Variants in SFTPD observed in about 807,000 individuals in gnomAD.
SFTPD encodes surfactant protein D, also known as pulmonary surfactant-associated protein D.
SFTPD carries 18 observed loss-of-function variants against 34.6 expected under a neutral mutation model. That is an observed-to-expected ratio of 0.52 (90% CI 0.36 to 0.77). SFTPD has a LOEUF of 0.77. SFTPD is among the 30% of genes least tolerant of loss of function. The probability of loss-of-function intolerance (pLI) is 0.00; values close to 1 mark genes in which losing one functional copy is unlikely to be tolerated. For missense variants in SFTPD, 433 were observed against 468.9 expected, an observed-to-expected ratio of 0.92 and a Z score of 0.71; for synonymous variants, 155 against 180.9, an observed-to-expected ratio of 0.86 and a Z score of 1.15.
intron 1 of SFTPD, chr10:79,981,983 C>T: frequency 3.3e-6 from 1 of 306,844 alleles, no homozygotes; most frequent in South Asian, 3.8e-5. Flanking sequence ...CCGCGTCAGG[C>T]CGCCAGCCTC....
intron 1 of SFTPD, among the ~76,000 whole-genome samples, chr10:79,974,049 C>A (rs1842850494): frequency 1.3e-5 from 2 of 152,176 alleles, no homozygotes; most frequent in African/African-American, 2.4e-5. Context: ...CCCACACACA[C>A]ACAAATAGTA....
chr10:79,974,689 T>C (rs908948781), intron 1 of SFTPD, among the ~76,000 whole-genome samples: 4 of 152,240 alleles, frequency 2.6e-5, no homozygotes, highest in African/African-American at 7.2e-5. Context: ...CCGTCACCTC[T>C]CCTCATCACA....
At chr10:79,961,752 T>C (rs368004420) in intron 1 of SFTPD, among the ~76,000 whole-genome samples, 2 of 152,296 alleles carry the variant, frequency 1.3e-5, no homozygotes, top group South Asian at 2.1e-4. Context: ...CTCAGGGATC[T>C]AGAACTAGAA....
chr10:79,959,131 A>G (rs1044362416), intron 1 of SFTPD, among the ~76,000 whole-genome samples: 6 of 151,576 alleles, frequency 4.0e-5, no homozygotes, highest in African/African-American at 1.5e-4. Flanking sequence ...AATCTCTGGG[A>G]CACATTCAAA....
intron 5 of SFTPD, 77 bp from the exon 6 acceptor site, chr10:79,941,591 C>T (rs756491447): frequency 1.2e-4 from 125 of 1,069,360 alleles, no homozygotes; most frequent in Non-Finnish European, 1.4e-4. Context: ...CCTTCCCATA[C>T]ATGGACTAAC....
At chr10:79,946,777 G>T in intron 1 of SFTPD, 115 bp from the exon 2 acceptor site, 2 of 912,370 alleles carry the variant, frequency 2.2e-6, no homozygotes, top group Non-Finnish European at 3.4e-6. Flanking sequence ...TCTGTCCTCT[G>T]CTATGGGGCC....
intron 2 of SFTPD, among the ~76,000 whole-genome samples, chr10:79,944,222 C>A (rs1236294801): frequency 6.6e-6 from 1 of 152,252 alleles, no homozygotes; most frequent in African/African-American, 2.4e-5. Context: ...TAATACATGC[C>A]AGGCACTGTC....
At chr10:79,960,899 T>C (rs1842768453) in intron 1 of SFTPD, among the ~76,000 whole-genome samples, 2 of 151,702 alleles carry the variant, frequency 1.3e-5, no homozygotes, top group Admixed American at 6.5e-5. Context: ...CAAACTATAC[T>C]ACAAGGCTAC....
At chr10:79,949,775 G>T (rs954127156), upstream of SFTPD, among the ~76,000 whole-genome samples, 1 of 152,156 alleles carries the variant, frequency 6.6e-6, no homozygotes. Context: ...CTTAGCTGGT[G>T]TTTGTCTTGT....
chr10:79,960,790 A>T (rs1255321413), intron 1 of SFTPD, among the ~76,000 whole-genome samples: 1 of 152,226 alleles, frequency 6.6e-6, no homozygotes, highest in Admixed American at 6.5e-5. Flanking sequence ...AATTGGAAAA[A>T]ACTACTTTAA....
intron 2 of SFTPD, among the ~76,000 whole-genome samples, chr10:79,945,817 CA>C (rs1349189257): frequency 6.6e-6 from 1 of 152,176 alleles, no homozygotes; most frequent in Non-Finnish European, 1.5e-5. Context: ...CAGTCTGATG[CA>C]GAGCCTTCGT....
At chr10:79,959,490 A>C (rs2132512735) in intron 1 of SFTPD, among the ~76,000 whole-genome samples, 1 of 152,334 alleles carries the variant, frequency 6.6e-6, no homozygotes, top group South Asian at 2.1e-4. Flanking sequence ...AGAAATACAA[A>C]CTACCATCAG....
At chr10:79,942,293 C>T (rs1231915068) in intron 4 of SFTPD, 95 bp downstream of exon 4, 20 of 868,826 alleles carry the variant, frequency 2.3e-5, no homozygotes, top group African/African-American at 3.3e-5. Context: ...AGGGTCTGGG[C>T]TCTCCCTGGC....
rs1408211162 is a variant in SFTPD, at chr10:79,967,731, G to A, written c.36+14844C>T. ...CAGGCCTCTGAGCCCAGGCCTGCAC[G>A]TATACATCCAGATGGCCTGAAGTAA... On this transcript the variant is annotated intron_variant, in intron 1 of 5. Transcript: ENST00000444384. Among the ~76,000 whole-genome samples, 22 of 152,100 alleles carry A rather than the reference G, an allele frequency of 1.4e-4. No individual in the cohort carries two copies. In the East Asian group the frequency reaches 2.3e-3, roughly 16 times the overall value.
chr10:79,941,488 C>T lies in SFTPD; in HGVS notation c.577G>A (p.Gly193Arg), dbSNP rs759296361. Residue 193 changes from glycine to arginine, a missense_variant, in exon 6 of 8, where the codon GGA (glycine) becomes AGA (arginine). Physicochemically the swap from Gly to Arg is moderately radical, Grantham distance 125. Coordinates refer to ENST00000372292, the MANE Select transcript of SFTPD (RefSeq NM_003019.5). ...AGSAGAMGPQ[G>R]SPGARGPPGL... Reference sequence around the variant, plus strand: ...GGGGGTCCCCTGGCACCTGGACTTCCCTGGGGACCCATGGCTCCAGCAGAC... The same window carrying T: ...GGGGGTCCCCTGGCACCTGGACTTCTCTGGGGACCCATGGCTCCAGCAGAC... The T allele has an allele frequency of 6.2e-7, 1 of 1,611,174 alleles. No homozygotes were observed. Among genetic ancestry groups the T allele is most frequent in the Admixed American group, 1.7e-5 (1 of 59,430 alleles).
intron 1 of SFTPD, among the ~76,000 whole-genome samples, chr10:79,960,769 T>C (rs1170317456): frequency 6.6e-6 from 1 of 152,216 alleles, no homozygotes; most frequent in Non-Finnish European, 1.5e-5. Flanking sequence ...TACCAATGAC[T>C]TTCTTCACAG....
chr10:79,980,293 C>T (rs972175256), intron 1 of SFTPD, among the ~76,000 whole-genome samples: 8 of 152,152 alleles, frequency 5.3e-5, no homozygotes, highest in South Asian at 2.1e-4. Flanking sequence ...AGCTCAGTCT[C>T]GGTAAAATAA....
At chr10:79,941,878 G>T in intron 5 of SFTPD, 76 bp downstream of exon 5, 1 of 906,514 alleles carries the variant, frequency 1.1e-6, no homozygotes, top group East Asian at 2.4e-5. Flanking sequence ...GTGGTGGAGG[G>T]GGTGTAGGCA....
intron 6 of SFTPD, 123 bp downstream of exon 6, chr10:79,941,275 C>T: frequency 1.2e-6 from 1 of 839,180 alleles, no homozygotes; most frequent in Non-Finnish European, 1.9e-6. Context: ...TCCTGAGTTC[C>T]ACCCACCAGC....
Sources: gnomAD v4.1 joint callset for allele counts (sites outside exome capture counted in the v4.1 genomes callset) on GRCh38, gnomAD v4.1.1 for gene constraint, MANE v1.5 for transcripts, NCBI Gene and HGNC (gene_info 2026-07-23, HGNC 2026-07-21) for gene names.